The following LRRC4C variants were observed in gnomAD, a reference collection of about 807,000 sequenced individuals.
LRRC4C encodes the protein leucine rich repeat containing 4C.
In LRRC4C, 5 loss-of-function variants were observed where a neutral mutation model predicts 33.6. The observed-to-expected ratio is 0.15, with a 90% CI of 0.08 to 0.31. The LOEUF (loss-of-function observed/expected upper bound fraction) is 0.31. Ranked by LOEUF, LRRC4C falls within the 10% of genes least tolerant of loss-of-function variation. The probability of loss-of-function intolerance (pLI) is 1.00; values close to 1 mark genes in which losing one functional copy is unlikely to be tolerated. For missense variants in LRRC4C, 560 were observed against 796.7 expected (o/e 0.70, Z 3.58); for synonymous variants, 329 against 302.0 (o/e 1.09, Z -0.93).
At chr11:40,914,194 T>G (rs1276331477) in intron 2 of LRRC4C, among the ~76,000 whole-genome samples, 1 of 152,166 alleles carries the variant, frequency 6.6e-6, no homozygotes, top group African/African-American at 2.4e-5. Context: ...CTAAGTCATT[T>G]TATGAGGCCA....
intron 6 of LRRC4C, among the ~76,000 whole-genome samples, chr11:40,139,882 G>GA (rs1408378586): frequency 6.6e-6 from 1 of 152,178 alleles, no homozygotes; most frequent in Admixed American, 6.5e-5. Context: ...AACATGATGT[G>GA]AAGCCATCAC....
rs1204548394 is a variant in LRRC4C, at chr11:40,116,196, G to A, written c.97C>T (p.Leu33Phe). 2 of 1,613,986 alleles carry A rather than the reference G, an allele frequency of 1.2e-6. No homozygotes were observed. The highest frequency in any genetic ancestry group is 8.5e-7 in the Non-Finnish European group (1 of 1,179,988). ...AGACCAGCCACCACAAGAAGTTGAA[G>A]AGCCAGCAGCACCACAAGCAGGGGG... ...FDPLLVVLLALQLLVVAGLVR... is the reference protein window; with the variant it reads ...FDPLLVVLLAFQLLVVAGLVR... Residue 33 changes from leucine (L) to phenylalanine (F), a missense_variant, in exon 7 of 7, where the codon CTT (leucine) becomes TTT (phenylalanine). Coordinates refer to ENST00000528697, the MANE Select transcript of LRRC4C (RefSeq NM_001258419.2).
At position 41,279,056 on chromosome 11, in the gene LRRC4C, G is replaced by A. The variant is rs184935304; in HGVS notation, c.-496+180375C>T. Among the ~76,000 whole-genome samples, 28 of 152,212 alleles carry A rather than the reference G, an allele frequency of 1.8e-4. No individual in the cohort carries two copies. The East Asian group carries it at 5.4e-3, about 29-fold the overall frequency. On this transcript the variant is annotated intron_variant, in intron 1 of 6. Transcript: ENST00000528697. ...TTCATATGTATAAGTGAAAACATGT[G>A]GCATTTGGTTTTCTGTTCCTGAATT...
chr11:40,590,433 G>A lies in LRRC4C; in HGVS notation c.-270+57709C>T, dbSNP rs1000545896. Among the ~76,000 whole-genome samples the A allele has an allele frequency of 3.3e-4, 49 of 150,284 alleles. 1 individual carries two copies. The South Asian group carries it at 8.1e-3, about 25-fold the overall frequency. On this transcript the variant is annotated intron_variant, in intron 3 of 6. Transcript: ENST00000528697. ...TTGCCTTTGGTTTGAATGTCCTCCC[G>A]TAGCTCAGAGTAATTTGATCGTCTG...
At chr11:41,436,159 G>A (rs528767897) in intron 1 of LRRC4C, among the ~76,000 whole-genome samples, 9 of 152,306 alleles carry the variant, frequency 5.9e-5, no homozygotes, top group South Asian at 2.1e-4. Context: ...AGCTGAGATC[G>A]TGCCACTGCA....
chr11:40,666,830 C>T (rs2136245550), intron 2 of LRRC4C, among the ~76,000 whole-genome samples: 1 of 152,260 alleles, frequency 6.6e-6, no homozygotes, highest in South Asian at 2.1e-4. Flanking sequence ...CTTAGAGTTG[C>T]ATAGGCTATC....
chr11:41,416,148 T>G (rs1374108419), intron 1 of LRRC4C, among the ~76,000 whole-genome samples: 5 of 152,062 alleles, frequency 3.3e-5, no homozygotes, highest in Non-Finnish European at 7.4e-5. Context: ...TTCTCCGATT[T>G]GTGAGTATGT....
intron 3 of LRRC4C, among the ~76,000 whole-genome samples, chr11:40,337,044 G>GGGAC (rs1363516894): frequency 2.0e-5 from 3 of 149,844 alleles, no homozygotes; most frequent in African/African-American, 7.4e-5. Context: ...AGAGTGGTCA[G>GGGAC]GGACGTCCTC....
At chr11:40,555,407 A>G (rs1957294348) in intron 3 of LRRC4C, among the ~76,000 whole-genome samples, 1 of 152,234 alleles carries the variant, frequency 6.6e-6, no homozygotes, top group Admixed American at 6.5e-5. Context: ...TGCCAATTCA[A>G]ACAGATATTA....
chr11:40,865,243 AAT>A (rs1954295982), intron 2 of LRRC4C, among the ~76,000 whole-genome samples: 1 of 152,152 alleles, frequency 6.6e-6, no homozygotes, highest in Admixed American at 6.5e-5. Flanking sequence ...CATCTCACAG[AAT>A]AGAGTATAAC....
At chr11:40,929,878 A>G (rs1957546562) in intron 2 of LRRC4C, among the ~76,000 whole-genome samples, 2 of 152,188 alleles carry the variant, frequency 1.3e-5, no homozygotes, top group South Asian at 4.1e-4. Flanking sequence ...ATTCATGTCT[A>G]TTATCCTAAA....
chr11:41,441,775 G>T (rs1001223671), intron 1 of LRRC4C, among the ~76,000 whole-genome samples: 7 of 152,032 alleles, frequency 4.6e-5, no homozygotes, highest in Non-Finnish European at 7.4e-5. Flanking sequence ...TTAAGTCACA[G>T]AACTATGACC....
At chr11:41,118,735 T>G (rs1942268340) in intron 1 of LRRC4C, among the ~76,000 whole-genome samples, 1 of 152,140 alleles carries the variant, frequency 6.6e-6, no homozygotes, top group African/African-American at 2.4e-5. Flanking sequence ...AGAGGTTGTC[T>G]TTTTAGTAAA....
chr11:40,427,980 A>G (rs1221613685), intron 3 of LRRC4C, among the ~76,000 whole-genome samples: 1 of 152,210 alleles, frequency 6.6e-6, no homozygotes, highest in Non-Finnish European at 1.5e-5. Context: ...AATTTAACAA[A>G]TATATTATGA....
chr11:40,420,448 G>A (rs1447094569), intron 3 of LRRC4C, among the ~76,000 whole-genome samples: 1 of 152,032 alleles, frequency 6.6e-6, no homozygotes, highest in Non-Finnish European at 1.5e-5. Flanking sequence ...ATCATCCAAG[G>A]CCAGACTTAC....
intron 1 of LRRC4C, among the ~76,000 whole-genome samples, chr11:40,973,370 C>CA (rs1423602841): frequency 5.3e-5 from 8 of 151,650 alleles, no homozygotes; most frequent in African/African-American, 7.3e-5. Context: ...AAACAAAAAC[C>CA]AAAAAAACAA....
At chr11:41,188,912 C>CCA (rs1491449676) in intron 1 of LRRC4C, among the ~76,000 whole-genome samples, 1 of 136,988 alleles carries the variant, frequency 7.3e-6, no homozygotes, top group African/African-American at 2.8e-5. Flanking sequence ...CCCCCCCCCC[C>CCA]AAAAAAAAGT....
rs554777964 is a variant in LRRC4C, at chr11:40,704,046, A to G, written c.-406-55768T>C. On this transcript the variant is annotated intron_variant, in intron 2 of 6. Coordinates refer to ENST00000528697, the MANE Select transcript of LRRC4C (RefSeq NM_001258419.2). ...GCGCTGAAAATATTAGATGGTGGGGAGAGTGGAGGACAGCAAAATGTAACA... is the reference window on the plus strand; with the variant it reads ...GCGCTGAAAATATTAGATGGTGGGGGGAGTGGAGGACAGCAAAATGTAACA... 1.4e-4 allele frequency among the ~76,000 whole-genome samples: 22 copies of G among 152,294 alleles called. No homozygotes were observed. The South Asian group carries it at 4.4e-3, about 30-fold the overall frequency.
At chr11:41,393,849 G>A (rs1220500120) in intron 1 of LRRC4C, among the ~76,000 whole-genome samples, 2 of 151,958 alleles carry the variant, frequency 1.3e-5, no homozygotes, top group African/African-American at 4.8e-5. Flanking sequence ...AGTGCTGCTA[G>A]CATATGCAAG....
Sources: allele counts gnomAD v4.1 joint callset (sites outside exome capture counted in the v4.1 genomes callset), GRCh38; gene constraint gnomAD v4.1.1; transcripts MANE v1.5; gene names NCBI Gene and HGNC (gene_info 2026-07-23, HGNC 2026-07-21).